The following FNIP2 variants were observed in gnomAD, a reference collection of about 807,000 sequenced individuals.
FNIP2 encodes the protein folliculin-interacting protein 2.
A neutral mutation model predicts 108.7 loss-of-function variants in FNIP2; 32 were observed. The ratio of observed to expected loss-of-function variants is 0.29; its 90% CI spans 0.22 to 0.40. The LOEUF (loss-of-function observed/expected upper bound fraction) is 0.40, where lower values mean the gene tolerates loss of function less well. Among genes scored for constraint, FNIP2 ranks in the 10% least tolerant of loss-of-function variants. The pLI is 1.00. For missense variants in FNIP2, 1,202 were observed against 1,381.6 expected, an observed-to-expected ratio of 0.87 and a Z score of 2.06; for synonymous variants, 480 against 496.7, an observed-to-expected ratio of 0.97 and a Z score of 0.45.
Position 158,895,560 on chromosome 4 carries a change from T to G in FNIP2, c.3151-190T>G, listed in dbSNP as rs188300234. Among the ~76,000 whole-genome samples, 51 of 152,370 alleles carry G rather than the reference T, an allele frequency of 3.3e-4. No individual in the cohort carries two copies. The Middle Eastern group carries it at 0.014, about 41-fold the overall frequency. On this transcript the variant is annotated intron_variant, in intron 15 of 16. Coordinates refer to ENST00000264433, the MANE Select transcript of FNIP2 (RefSeq NM_020840.3). ...CTTAATAGTTAGCAAAAGTAAACTTTGTTTTACAAGAACCTATTCTTATAC... is the reference window on the plus strand; with the variant it reads ...CTTAATAGTTAGCAAAAGTAAACTTGGTTTTACAAGAACCTATTCTTATAC...
intron 12 of FNIP2, among the ~76,000 whole-genome samples, chr4:158,866,072 G>T (rs1780558795): frequency 6.7e-6 from 1 of 148,748 alleles, no homozygotes. Context: ...TCTAGTATAT[G>T]CCCTTATAAC....
chr4:158,863,723 T>C (rs1054488688), intron 12 of FNIP2, among the ~76,000 whole-genome samples: 2 of 152,218 alleles, frequency 1.3e-5, no homozygotes, highest in African/African-American at 4.8e-5. Flanking sequence ...AAAAGATGCA[T>C]TGAGGTTGCA....
chr4:158,840,183 C>T (rs1046597164), intron 7 of FNIP2, among the ~76,000 whole-genome samples: 4 of 151,998 alleles, frequency 2.6e-5, no homozygotes, highest in Non-Finnish European at 4.4e-5. Flanking sequence ...CCTGAGAAAG[C>T]GAGTGGAAGG....
chr4:158,823,382 C>T (rs1239188464), intron 1 of FNIP2, among the ~76,000 whole-genome samples: 1 of 152,168 alleles, frequency 6.6e-6, no homozygotes, highest in African/African-American at 2.4e-5. Context: ...TCTCCTGCCT[C>T]AGCCTCCTGA....
In FNIP2 at chr4:158,869,072, G is replaced by A. The variant is rs1349169982; in HGVS notation, c.2436G>A (p.Gln812=). 6.2e-7 allele frequency: 1 copy of A among 1,613,910 alleles called. No homozygotes were observed. The highest frequency in any genetic ancestry group is 8.5e-7 in the Non-Finnish European group (1 of 1,179,904). Residue 812 remains glutamine (Q), a synonymous_variant, in exon 13 of 17, where the codon CAG becomes CAA. Transcript: ENST00000264433. ...RNDMAADIAG[Q]LSHAADLGTA... ...ACATGGCAGCAGATATTGCTGGGCA[G>A]CTCAGCCACGCTGCTGACTTGGGCA...
chr4:158,806,433 T>G, intron 1 of FNIP2: 1 of 1,282,412 alleles, frequency 7.8e-7, no homozygotes, highest in Non-Finnish European at 1.0e-6. Context: ...GGTTTGAAAC[T>G]TTAGTTGTTT....
Position 158,904,611 on chromosome 4 carries a change from T to A in FNIP2, c.*67T>A. On this transcript the variant is annotated 3_prime_UTR_variant, in exon 17 of 17. Coordinates refer to ENST00000264433, the MANE Select transcript of FNIP2 (RefSeq NM_020840.3). ...AATTCTCAACTGAAGGAGAAAGGAA[T>A]AAGCTCTCTGTGATGTCAAAAGCAT... 1 of 1,345,868 alleles carries A rather than the reference T, an allele frequency of 7.4e-7. No homozygotes were observed. The highest frequency in any genetic ancestry group is 1.1e-6 in the Non-Finnish European group (1 of 947,106). The allele number at this position is 1,345,868 out of a possible 1,614,324, so 83.4% of individuals were successfully genotyped here. A position where few individuals can be genotyped will look rare whatever the true frequency, so the allele number is the denominator to read the frequency against.
Position 158,892,773 on chromosome 4 carries a change from C to T in FNIP2, c.3150+1127C>T, listed in dbSNP as rs1782367288. Among the ~76,000 whole-genome samples, 3 of 152,236 alleles carry T rather than the reference C, an allele frequency of 2.0e-5. No individual in the cohort carries two copies. The South Asian group carries it at 6.2e-4, about 32-fold the overall frequency. ...CACAGCGCTGTTCTCTGCAGCACAG[C>T]CCCAAACCAAAACATCTGTTATCTG... On this transcript the variant is annotated intron_variant, in intron 15 of 16. Transcript: ENST00000264433.
At chr4:158,845,957 T>C (rs1392845948) in intron 7 of FNIP2, among the ~76,000 whole-genome samples, 1 of 152,266 alleles carries the variant, frequency 6.6e-6, no homozygotes, top group Non-Finnish European at 1.5e-5. Context: ...CTTTGATTTT[T>C]TGCCTTCTCT....
At chr4:158,786,492 G>T (rs1326959016) in intron 1 of FNIP2, among the ~76,000 whole-genome samples, 1 of 152,180 alleles carries the variant, frequency 6.6e-6, no homozygotes, top group Non-Finnish European at 1.5e-5. Context: ...CTAGTGCACA[G>T]GTCATATGCT....
chr4:158,841,299 A>G (rs1027323540), intron 7 of FNIP2, among the ~76,000 whole-genome samples: 12 of 152,252 alleles, frequency 7.9e-5, no homozygotes, highest in Middle Eastern at 3.4e-3. Flanking sequence ...TCTCACTGGT[A>G]CCAAAGGAGT....
At position 158,905,850 on chromosome 4, in the gene FNIP2, A is replaced by T. The variant is rs1235957937; in HGVS notation, c.*1306A>T. The T allele has an allele frequency of 6.6e-6, 1 of 152,216 alleles. No homozygotes were observed. Among genetic ancestry groups the T allele is most frequent in the Non-Finnish European group, 1.5e-5 (1 of 68,042 alleles). The allele number at this position is 152,216 out of a possible 1,614,324, so 9.4% of individuals were successfully genotyped here. On this transcript the variant is annotated 3_prime_UTR_variant, in exon 17 of 17. Coordinates refer to ENST00000264433, the MANE Select transcript of FNIP2 (RefSeq NM_020840.3). The stretch of plus-strand genomic sequence containing the variant: ...AGGAGCTAAGCTAGCAAAGCAAAAC[A>T]TCTTTAGCACTTTGCAGATCTCAAG...
At chr4:158,864,011 C>T (rs1383866547) in intron 12 of FNIP2, among the ~76,000 whole-genome samples, 1 of 152,100 alleles carries the variant, frequency 6.6e-6, no homozygotes, top group Non-Finnish European at 1.5e-5. Context: ...CTCACTTTCT[C>T]AGAAATCAAA....
intron 1 of FNIP2, among the ~76,000 whole-genome samples, chr4:158,815,406 G>A (rs1016141246): frequency 2.1e-5 from 3 of 140,538 alleles, no homozygotes; most frequent in Non-Finnish European, 3.1e-5. Flanking sequence ...TTTTTGAGAC[G>A]GAGTCTTGCT....
At chr4:158,899,960 T>C (rs1022792827) in intron 16 of FNIP2, among the ~76,000 whole-genome samples, 7 of 152,256 alleles carry the variant, frequency 4.6e-5, no homozygotes, top group Non-Finnish European at 1.0e-4. Flanking sequence ...TTTAGATCTT[T>C]CCTGCTTTCT....
chr4:158,898,887 G>A (rs1393464450), intron 16 of FNIP2, among the ~76,000 whole-genome samples: 2 of 152,204 alleles, frequency 1.3e-5, no homozygotes, highest in Non-Finnish European at 2.9e-5. Flanking sequence ...TAGTTGAATA[G>A]GAGTGGTGAG....
intron 1 of FNIP2, among the ~76,000 whole-genome samples, chr4:158,776,429 T>G (rs950659603): frequency 6.6e-6 from 1 of 152,236 alleles, no homozygotes; most frequent in African/African-American, 2.4e-5. Flanking sequence ...TTATAAATAC[T>G]TCAGACTGCC....
intron 14 of FNIP2, among the ~76,000 whole-genome samples, chr4:158,875,177 C>A (rs1027038731): frequency 6.6e-6 from 1 of 151,916 alleles, no homozygotes; most frequent in Non-Finnish European, 1.5e-5. Flanking sequence ...TTGTCAATCC[C>A]AGGGGACTAC....
At chr4:158,828,142 A>G (rs955199416) in intron 2 of FNIP2, among the ~76,000 whole-genome samples, 1 of 152,186 alleles carries the variant, frequency 6.6e-6, no homozygotes, top group African/African-American at 2.4e-5. Context: ...GGCAAACTCT[A>G]GGGAATGTAT....
Sources: allele counts gnomAD v4.1 joint callset (sites outside exome capture counted in the v4.1 genomes callset), GRCh38; gene constraint gnomAD v4.1.1; transcripts MANE v1.5; gene names NCBI Gene and HGNC (gene_info 2026-07-23, HGNC 2026-07-21).